The following CEP112 variants were observed in gnomAD, a reference collection of about 807,000 sequenced individuals.
CEP112 encodes the protein centrosomal protein 112, also known as centrosomal protein of 112 kDa.
A neutral mutation model predicts 153.0 loss-of-function variants in CEP112; 127 were observed. The observed-to-expected ratio is 0.83, with a 90% CI of 0.72 to 0.96. CEP112 has a LOEUF of 0.96. Among genes scored for constraint, CEP112 ranks in the 40% least tolerant of loss-of-function variants. The pLI is 0.00. For synonymous variants in CEP112, 358 were observed against 374.4 expected, an observed-to-expected ratio of 0.96 and a Z score of 0.51; for missense variants, 1,089 against 1,101.2, an observed-to-expected ratio of 0.99 and a Z score of 0.16.
At chr17:65,663,537 C>T (rs1350413362) in intron 24 of CEP112, among the ~76,000 whole-genome samples, 3 of 152,104 alleles carry the variant, frequency 2.0e-5, no homozygotes, top group Non-Finnish European at 4.4e-5. Flanking sequence ...TATTCTGAGC[C>T]AATTGGATGG....
chr17:65,680,785 A>G (rs1002711611), intron 24 of CEP112, among the ~76,000 whole-genome samples: 4 of 152,186 alleles, frequency 2.6e-5, no homozygotes, highest in African/African-American at 9.7e-5. Flanking sequence ...GAGGCCTCAG[A>G]AAACTTACAA....
chr17:66,045,080 T>A (rs1218955750), intron 12 of CEP112, among the ~76,000 whole-genome samples: 3 of 136,570 alleles, frequency 2.2e-5, no homozygotes, highest in Middle Eastern at 3.7e-3. Flanking sequence ...AAAAAAAATT[T>A]TTTTTTTTGA....
intron 21 of CEP112, among the ~76,000 whole-genome samples, chr17:65,790,435 C>T (rs1000823041): frequency 2.0e-5 from 3 of 152,082 alleles, no homozygotes; most frequent in African/African-American, 4.8e-5. Flanking sequence ...TCAGTTCAGT[C>T]GAGGCCCAGC....
chr17:66,134,248 G>A (rs770928547), intron 4 of CEP112, among the ~76,000 whole-genome samples: 39 of 152,076 alleles, frequency 2.6e-4, no homozygotes, highest in Non-Finnish European at 4.6e-4. Context: ...ATTGCACAGG[G>A]TTGCATACAT....
At chr17:65,834,639 CAAT>C (rs995468969) in intron 21 of CEP112, among the ~76,000 whole-genome samples, 5 of 152,212 alleles carry the variant, frequency 3.3e-5, no homozygotes, top group African/African-American at 4.8e-5. Flanking sequence ...ATTAAAACAA[CAAT>C]GAGATACCAT....
chr17:66,021,362 C>T (rs1167756510), intron 16 of CEP112, among the ~76,000 whole-genome samples: 1 of 152,132 alleles, frequency 6.6e-6, no homozygotes, highest in East Asian at 1.9e-4. Flanking sequence ...TGCAATCCAG[C>T]TGTGGGTGCT....
chr17:65,879,634 A>C (rs951904328), intron 20 of CEP112, among the ~76,000 whole-genome samples: 3 of 152,196 alleles, frequency 2.0e-5, no homozygotes, highest in Admixed American at 6.5e-5. Context: ...TGAAGGAAAG[A>C]GATATTTCAG....
At chr17:66,117,443 C>A (rs2069353901) in intron 6 of CEP112, among the ~76,000 whole-genome samples, 2 of 152,100 alleles carry the variant, frequency 1.3e-5, no homozygotes, top group Admixed American at 6.5e-5. Context: ...TTGCTCATGG[C>A]TGACTCCTCA....
chr17:65,805,586 C>T (rs927295490), intron 21 of CEP112, among the ~76,000 whole-genome samples: 3 of 152,132 alleles, frequency 2.0e-5, no homozygotes, highest in Non-Finnish European at 2.9e-5. Flanking sequence ...GAAAAATATC[C>T]TTCAAAATGG....
chr17:65,771,090 A>C (rs2053326215), intron 21 of CEP112, among the ~76,000 whole-genome samples: 1 of 152,080 alleles, frequency 6.6e-6, no homozygotes, highest in South Asian at 2.1e-4. Context: ...AAAGCTTATC[A>C]CTGTGTTTTT....
intron 20 of CEP112, among the ~76,000 whole-genome samples, chr17:65,865,094 T>C (rs866162979): frequency 6.6e-6 from 1 of 152,108 alleles, no homozygotes; most frequent in South Asian, 2.1e-4. Context: ...CAGGCTGGAG[T>C]GCAGTGTCAT....
intron 23 of CEP112, among the ~76,000 whole-genome samples, chr17:65,696,958 A>G (rs928799011): frequency 2.0e-5 from 3 of 152,194 alleles, no homozygotes; most frequent in African/African-American, 7.2e-5. Context: ...GATTTACCCC[A>G]TGAATGTTTT....
chr17:65,810,113 T>C (rs1255595452), intron 21 of CEP112, among the ~76,000 whole-genome samples: 4 of 152,218 alleles, frequency 2.6e-5, no homozygotes, highest in Admixed American at 6.5e-5. Flanking sequence ...AAGAGCCTCA[T>C]TGCCATGAAT....
intron 18 of CEP112, among the ~76,000 whole-genome samples, chr17:65,956,411 C>A (rs898620596): frequency 7.7e-6 from 1 of 130,084 alleles, no homozygotes; most frequent in Non-Finnish European, 1.6e-5. Flanking sequence ...TACATACATA[C>A]ACACACACAC....
intron 24 of CEP112, among the ~76,000 whole-genome samples, chr17:65,662,622 G>T (rs2046445426): frequency 6.6e-6 from 1 of 152,066 alleles, no homozygotes; most frequent in South Asian, 2.1e-4. Flanking sequence ...AAAAGACAAA[G>T]AAAAAAGCTC....
At chr17:66,086,030 T>A (rs1285186800) in intron 8 of CEP112, among the ~76,000 whole-genome samples, 4 of 150,274 alleles carry the variant, frequency 2.7e-5, no homozygotes, top group Admixed American at 2.6e-4. Context: ...GTATATGATC[T>A]AATTTTACTT....
chr17:65,936,864 G>A (rs1046561269), intron 18 of CEP112, among the ~76,000 whole-genome samples: 4 of 135,652 alleles, frequency 2.9e-5, no homozygotes, highest in Non-Finnish European at 4.6e-5. Flanking sequence ...CTCTGATGCC[G>A]AGCCGAAGCT....
chr17:65,795,025 A>G (rs1447885485), intron 21 of CEP112, among the ~76,000 whole-genome samples: 1 of 152,234 alleles, frequency 6.6e-6, no homozygotes, highest in Non-Finnish European at 1.5e-5. Flanking sequence ...GAATAAACTA[A>G]GTGCTAGGCA....
intron 24 of CEP112, among the ~76,000 whole-genome samples, chr17:65,683,681 G>T (rs925542020): frequency 2.0e-5 from 3 of 152,198 alleles, no homozygotes; most frequent in African/African-American, 7.2e-5. Flanking sequence ...AGGGAAGACG[G>T]AAGGAAGGAC....
Sources: allele counts gnomAD v4.1 joint callset (sites outside exome capture counted in the v4.1 genomes callset), GRCh38; gene constraint gnomAD v4.1.1; transcripts MANE v1.5; gene names NCBI Gene and HGNC (gene_info 2026-07-23, HGNC 2026-07-21).